Variants in FHL5 observed in about 807,000 individuals in gnomAD.
FHL5 encodes four and a half LIM domains 5.
FHL5 carries 33 observed loss-of-function variants against 32.0 expected under a neutral mutation model. The observed-to-expected ratio is 1.03, with a 90% CI of 0.78 to 1.38. The LOEUF is 1.38. Ranked by LOEUF, FHL5 falls within the 40% of genes most tolerant of loss-of-function variation. The probability of loss-of-function intolerance (pLI) is 0.00; values close to 1 mark genes in which losing one functional copy is unlikely to be tolerated. For missense variants in FHL5, 336 were observed against 343.9 expected (o/e 0.98, Z 0.18); for synonymous variants, 114 against 113.6 (o/e 1.00, Z -0.02).
At chr6:96,574,645 C>G (rs745655754) in intron 1 of FHL5, among the ~76,000 whole-genome samples, 31 of 152,126 alleles carry the variant, frequency 2.0e-4, no homozygotes, top group Non-Finnish European at 4.1e-4. Context: ...CCTGCCTTCC[C>G]AGGGTTTGAG....
At chr6:96,577,217 T>G (rs1770601672) in intron 1 of FHL5, among the ~76,000 whole-genome samples, 1 of 152,234 alleles carries the variant, frequency 6.6e-6, no homozygotes, top group Admixed American at 6.5e-5. Context: ...TTGTAATTAT[T>G]GATTAGTGTT....
chr6:96,573,300 A>G (rs935204443), intron 1 of FHL5, among the ~76,000 whole-genome samples: 2 of 152,172 alleles, frequency 1.3e-5, no homozygotes, highest in African/African-American at 4.8e-5. Flanking sequence ...CTTAGTATAG[A>G]ATTAAAATGC....
At chr6:96,574,721 C>T (rs1770550171) in intron 1 of FHL5, among the ~76,000 whole-genome samples, 1 of 152,002 alleles carries the variant, frequency 6.6e-6, no homozygotes, top group Non-Finnish European at 1.5e-5. Context: ...TTATTATATG[C>T]TAAATAGTTA....
intron 1 of FHL5, among the ~76,000 whole-genome samples, chr6:96,588,073 C>A (rs1770835386): frequency 6.6e-6 from 1 of 152,208 alleles, no homozygotes; most frequent in African/African-American, 2.4e-5. Context: ...CAAATTTACA[C>A]ACTTAGGGGT....
At chr6:96,603,490 A>T in intron 1 of FHL5, 112 bp from the exon 2 acceptor site, 1 of 772,498 alleles carries the variant, frequency 1.3e-6, no homozygotes, top group Non-Finnish European at 2.0e-6. Flanking sequence ...ATTTTTGCTT[A>T]AGAAAATATA....
At chr6:96,565,772 CT>C (rs1770343255) in intron 1 of FHL5, among the ~76,000 whole-genome samples, 2 of 152,068 alleles carry the variant, frequency 1.3e-5, no homozygotes. Context: ...GTTTAACTAT[CT>C]CTTACAATTA....
chr6:96,603,923 G>C, intron 2 of FHL5, 151 bp downstream of exon 2: 1 of 604,214 alleles, frequency 1.7e-6, no homozygotes, highest in South Asian at 2.0e-5. Context: ...TCAAGCTCCA[G>C]CCACTACACT....
intron 1 of FHL5, among the ~76,000 whole-genome samples, chr6:96,596,916 A>G (rs923226946): frequency 1.3e-5 from 2 of 151,988 alleles, no homozygotes; most frequent in Non-Finnish European, 2.9e-5. Context: ...CCGTATATGA[A>G]ATTTCAGAAT....
Position 96,616,002 on chromosome 6 carries a change from G to A in FHL5, c.*230G>A. The A allele has an allele frequency of 6.1e-6, 2 of 330,248 alleles. No homozygotes were observed. The highest frequency in any genetic ancestry group is 8.4e-5 in the South Asian group (1 of 11,878). 20.5% of individuals were successfully genotyped at this position (330,248 alleles called of 1,614,324 possible). A position where few individuals can be genotyped will look rare whatever the true frequency, so the allele number is the denominator to read the frequency against. On this transcript the variant is annotated 3_prime_UTR_variant, in exon 6 of 6. Transcript: ENST00000450218. ...AAGACAACTCTCCTTGCAAAATACT[G>A]CACTCTGCTGTTAGAAGCAGAGGAA...
intron 1 of FHL5, among the ~76,000 whole-genome samples, chr6:96,580,571 T>C (rs1360746157): frequency 2.6e-5 from 4 of 152,174 alleles, no homozygotes; most frequent in African/African-American, 7.2e-5. Context: ...GGCTGTTCTT[T>C]AAAAAGACCC....
In FHL5 at chr6:96,618,172, A is replaced by G. The variant is rs1414433486; in HGVS notation, c.*2400A>G. 6.6e-6 allele frequency among the ~76,000 whole-genome samples: 1 copy of G among 152,272 alleles called. No homozygotes were observed. The highest frequency in any genetic ancestry group is 2.4e-5 in the African/African-American group (1 of 41,474). The stretch of plus-strand genomic sequence containing the variant: ...ACACAAAGATAAATGTAAAAATTAT[A>G]TAGTTGATTTATATGGTTTATGTAA... On this transcript the variant is annotated 3_prime_UTR_variant, in exon 6 of 6. Coordinates refer to ENST00000450218, the MANE Select transcript of FHL5 (RefSeq NM_001322466.2).
chr6:96,573,188 T>G (rs972435287), intron 1 of FHL5, among the ~76,000 whole-genome samples: 1 of 152,206 alleles, frequency 6.6e-6, no homozygotes, highest in African/African-American at 2.4e-5. Flanking sequence ...AGTCAAGGTG[T>G]TCAATTTTCT....
intron 1 of FHL5, among the ~76,000 whole-genome samples, chr6:96,600,058 T>G (rs1404607268): frequency 6.6e-6 from 1 of 152,202 alleles, no homozygotes; most frequent in African/African-American, 2.4e-5. Flanking sequence ...TCCCTGAGAA[T>G]TTTAATCTAT....
At chr6:96,567,825 C>CTTTTTT (rs757441385) in intron 1 of FHL5, among the ~76,000 whole-genome samples, 22 of 110,534 alleles carry the variant, frequency 2.0e-4, no homozygotes, top group Admixed American at 7.5e-4. Context: ...TTTTTGTATT[C>CTTTTTT]TTTTTTTTTT....
intron 1 of FHL5, among the ~76,000 whole-genome samples, chr6:96,594,121 T>C (rs1770978236): frequency 6.6e-6 from 1 of 150,680 alleles, no homozygotes; most frequent in South Asian, 2.1e-4. Context: ...GACTTTATTA[T>C]ACTTATGTTA....
chr6:96,580,145 T>A (rs1770668919), intron 1 of FHL5, among the ~76,000 whole-genome samples: 1 of 152,210 alleles, frequency 6.6e-6, no homozygotes, highest in South Asian at 2.1e-4. Flanking sequence ...TTGTAGTTAC[T>A]ATGGAATCAT....
At chr6:96,588,642 AAAAT>A (rs1389223971) in intron 1 of FHL5, among the ~76,000 whole-genome samples, 5 of 152,226 alleles carry the variant, frequency 3.3e-5, no homozygotes, top group Non-Finnish European at 5.9e-5. Context: ...TGCTTTCTTT[AAAAT>A]AAATATTTTC....
In FHL5 at chr6:96,564,335, A is replaced by G. The variant is rs1199949650; in HGVS notation, c.-13+980A>G. On this transcript the variant is annotated intron_variant, in intron 1 of 5. Coordinates refer to ENST00000450218, the MANE Select transcript of FHL5 (RefSeq NM_001322466.2). Reference sequence around the variant, plus strand: ...TGTATCATACAAGATATTTCTTAACATATGTGTTATGATATATGCTTTAAG... The same window carrying G: ...TGTATCATACAAGATATTTCTTAACGTATGTGTTATGATATATGCTTTAAG... Among the ~76,000 whole-genome samples, 3 of 152,180 alleles carry G rather than the reference A, an allele frequency of 2.0e-5. No homozygotes were observed. In the East Asian group the frequency reaches 5.8e-4, roughly 29 times the overall value.
intron 1 of FHL5, among the ~76,000 whole-genome samples, chr6:96,598,578 G>C (rs77108040): frequency 0.039 from 5,860 of 152,176 alleles, 144 homozygotes; most frequent in African/African-American, 0.055. Context: ...CTGGACATTA[G>C]AACTACTTGA....
Sources: gnomAD v4.1 joint callset for allele counts (sites outside exome capture counted in the v4.1 genomes callset) on GRCh38, gnomAD v4.1.1 for gene constraint, MANE v1.5 for transcripts, NCBI Gene and HGNC (gene_info 2026-07-23, HGNC 2026-07-21) for gene names.